The following NLRP11 variants were observed in gnomAD, a reference collection of about 807,000 sequenced individuals.
NLRP11 encodes the protein NLR family pyrin domain containing 11.
A neutral mutation model predicts 79.3 loss-of-function variants in NLRP11; 53 were observed. The ratio of observed to expected loss-of-function variants is 0.67; its 90% CI spans 0.54 to 0.84. The LOEUF is 0.84. Among genes scored for constraint, NLRP11 ranks in the 40% least tolerant of loss-of-function variants. NLRP11 has a pLI of 0.00. For missense variants in NLRP11, 1,264 were observed against 1,255.0 expected, an observed-to-expected ratio of 1.01 and a Z score of -0.11; for synonymous variants, 518 against 462.6, an observed-to-expected ratio of 1.12 and a Z score of -1.54.
At chr19:55,799,216 G>A (rs888994565) in intron 5 of NLRP11, among the ~76,000 whole-genome samples, 6 of 152,076 alleles carry the variant, frequency 3.9e-5, no homozygotes, top group East Asian at 1.9e-4. Flanking sequence ...GAAGTGAGCC[G>A]AGATCACCCC....
In NLRP11 at chr19:55,813,098, C is replaced by T. The variant is rs1273077645; in HGVS notation, c.272-2760G>A. On this transcript the variant is annotated intron_variant, in intron 2 of 9. Coordinates refer to ENST00000589093, the Ensembl canonical transcript of NLRP11. ...ATCACAGCACTTTGGGAGGCGAAGG[C>T]GGGCAGATCACCTGAGGTCAGGAGT... Among the ~76,000 whole-genome samples the T allele has an allele frequency of 3.9e-5, 6 of 152,044 alleles. No homozygotes were observed. In the South Asian group the frequency reaches 6.2e-4, roughly 16 times the overall value.
chr19:55,809,145 TAAAGTC>T lies in NLRP11; in HGVS notation c.1459_1464del (p.Asp487_Phe488del). 2 of 1,613,986 alleles carry T rather than the reference TAAAGTC, an allele frequency of 1.2e-6. No individual in the cohort carries two copies. Among genetic ancestry groups the T allele is most frequent in the Non-Finnish European group, 1.7e-6 (2 of 1,179,966 alleles). ...CCAAAAATGAAAGTAAACACTTGAT[TAAAGTC>T]AGAGTATTGTTCTCTCTTCTCTTTA... On this transcript the variant is annotated inframe_deletion, in exon 3 of 10. Transcript: ENST00000589093. This position sits in a 1 kb window ranked among gnomAD's most constrained non-coding sequence, Gnocchi z 4.5.
chr19:55,785,427 C>T (rs1600168336), exon 10 of NLRP11: 1 of 512,804 alleles, frequency 2.0e-6, no homozygotes, highest in East Asian at 3.4e-5. Flanking sequence ...TCCTTTATTA[C>T]TTCATATAAT....
At chr19:55,834,283 ACTT>A (rs1983050527), upstream of NLRP11, among the ~76,000 whole-genome samples, 2 of 152,206 alleles carry the variant, frequency 1.3e-5, no homozygotes, top group Non-Finnish European at 2.9e-5. Flanking sequence ...AAGGTAAAGC[ACTT>A]CTTCATGCAA....
rs553279559 is a variant in NLRP11, at chr19:55,807,972, A to G, written c.1884T>C (p.Leu628=). The G allele has an allele frequency of 5.0e-6, 8 of 1,612,370 alleles. No homozygotes were observed. The South Asian group carries it at 7.7e-5, about 15-fold the overall frequency. The change falls in exon 4 of 10, where the codon CTT becomes CTC. Residue 628 remains leucine (L), a synonymous_variant. Coordinates refer to ENST00000589093, the Ensembl canonical transcript of NLRP11. ...CCCGGAGGCTCTCCATTGTATAAAA[A>G]AGAGAGCAGATCTCTCTCCAGTAGA...
At chr19:55,792,189 C>T in intron 7 of NLRP11, 112 bp downstream of exon 7, 1 of 894,732 alleles carries the variant, frequency 1.1e-6, no homozygotes, top group Non-Finnish European at 1.8e-6. Context: ...TGCTCCCGTA[C>T]CCCTATCACC....
Position 55,804,728 on chromosome 19 carries a change from T to C in NLRP11, c.2004-2989A>G, listed in dbSNP as rs186476436. 3.0e-3 allele frequency among the ~76,000 whole-genome samples: 456 copies of C among 152,190 alleles called. 4 individuals carry two copies. Among genetic ancestry groups the C allele is most frequent in the African/African-American group, 0.011 (438 of 41,524 alleles). ...AACCTGTGACACAAGTTTACCTACATAAACAAACTTGCACATGTACCACTG... is the reference window on the plus strand; with the variant it reads ...AACCTGTGACACAAGTTTACCTACACAAACAAACTTGCACATGTACCACTG... On this transcript the variant is annotated intron_variant, in intron 4 of 9. Transcript: ENST00000589093.
intron 2 of NLRP11, among the ~76,000 whole-genome samples, chr19:55,811,534 C>G (rs563363527): frequency 2.4e-4 from 36 of 152,154 alleles, no homozygotes; most frequent in Non-Finnish European, 3.7e-4. Context: ...GGCTCCCCCC[C>G]AGTGGAGATG....
intron 1 of NLRP11, among the ~76,000 whole-genome samples, chr19:55,822,854 C>T (rs1393191542): frequency 6.6e-6 from 1 of 152,174 alleles, no homozygotes; most frequent in Non-Finnish European, 1.5e-5. Context: ...CCGCCATTGC[C>T]CAGGCTTGAT....
intron 9 of NLRP11, among the ~76,000 whole-genome samples, chr19:55,786,493 C>G (rs1461412560): frequency 6.6e-6 from 1 of 151,948 alleles, no homozygotes; most frequent in East Asian, 1.9e-4. Context: ...TGCTCTCCAG[C>G]CTGAGTGACA....
At chr19:55,820,067 A>C (rs1275816182) in intron 1 of NLRP11, among the ~76,000 whole-genome samples, 1 of 152,138 alleles carries the variant, frequency 6.6e-6, no homozygotes, top group Non-Finnish European at 1.5e-5. Context: ...TTGCTATGCC[A>C]ATCCCCAGTG....
exon 5 of NLRP11, chr19:55,801,620 A>T (rs1459729742): frequency 6.2e-7 from 1 of 1,614,174 alleles, no homozygotes; most frequent in Admixed American, 1.7e-5. Flanking sequence ...GTCATGCAGA[A>T]GTGAAAACAT....
intron 2 of NLRP11, among the ~76,000 whole-genome samples, chr19:55,814,946 T>C (rs1351001877): frequency 6.6e-6 from 1 of 152,168 alleles, no homozygotes; most frequent in East Asian, 1.9e-4. Flanking sequence ...GGATTGTTAT[T>C]TTACAGTGTA....
rs147002516 is a variant in NLRP11, at chr19:55,809,710, C to T, written c.900G>A (p.Leu300=). 276 of 1,614,224 alleles carry T rather than the reference C, an allele frequency of 1.7e-4. No homozygotes were observed. Among genetic ancestry groups the T allele is most frequent in the Non-Finnish European group, 2.2e-4 (258 of 1,180,022 alleles). Residue 300 remains leucine, a synonymous_variant, in exon 3 of 10, where the codon CTG becomes CTA. Transcript: ENST00000589093. This position sits in a 1 kb window ranked among gnomAD's most constrained non-coding sequence, Gnocchi z 4.5. ...AATATATCTCCCTCTTCCCATTCGA[C>T]AGCTGCAAGGTCGTGCAGCAATCTA...
At chr19:55,792,455 G>C in exon 7 of NLRP11, 1 of 1,613,976 alleles carries the variant, frequency 6.2e-7, no homozygotes, top group Non-Finnish European at 8.5e-7. Context: ...TTTTCAGTGA[G>C]ACAGCAGAAG....
At chr19:55,822,721 G>A (rs368348385) in intron 1 of NLRP11, among the ~76,000 whole-genome samples, 1 of 152,166 alleles carries the variant, frequency 6.6e-6, no homozygotes, top group Non-Finnish European at 1.5e-5. Context: ...AAAAAACGGC[G>A]CACCATGAGA....
intron 9 of NLRP11, among the ~76,000 whole-genome samples, chr19:55,786,533 A>T (rs74589177): frequency 1.3e-5 from 2 of 150,906 alleles, no homozygotes; most frequent in South Asian, 2.1e-4. Context: ...AAAAAAAAAA[A>T]TTTACATAGC....
intron 4 of NLRP11, among the ~76,000 whole-genome samples, chr19:55,802,421 C>A (rs1289367664): frequency 6.6e-6 from 1 of 152,140 alleles, no homozygotes; most frequent in African/African-American, 2.4e-5. Flanking sequence ...ATTCTATCCA[C>A]AATTGCTCAC....
exon 10 of NLRP11, chr19:55,785,531 AC>A: frequency 1.4e-5 from 16 of 1,144,292 alleles, no homozygotes; most frequent in Middle Eastern, 2.6e-4. Flanking sequence ...ACACACACAC[AC>A]ACACACATCA....
Sources: allele counts gnomAD v4.1 joint callset (sites outside exome capture counted in the v4.1 genomes callset), GRCh38; gene constraint gnomAD v4.1.1; non-coding constraint Gnocchi (gnomAD v3.1); transcripts MANE v1.5; gene names NCBI Gene and HGNC (gene_info 2026-07-23, HGNC 2026-07-21).